RGS6: variants seen among roughly 807,000 people sequenced by gnomAD.
RGS6 encodes regulator of G protein signaling 6.
A neutral mutation model predicts 78.5 loss-of-function variants in RGS6; 30 were observed. That is an observed-to-expected ratio of 0.38 (90% CI 0.29 to 0.52). The LOEUF is 0.52. Ranked by LOEUF, RGS6 falls within the 20% of genes least tolerant of loss-of-function variation. The pLI is 0.85. For missense variants in RGS6, 495 were observed against 609.7 expected (o/e 0.81, Z 1.98); for synonymous variants, 206 against 206.0 (o/e 1.00, Z 0.00).
chr14:72,562,286 A>ATGGTCAGTTGGGTTGGT lies in RGS6; in HGVS notation c.1423-125_1423-109dup, dbSNP rs2097686347. 8.6e-6 allele frequency: 7 copies of ATGGTCAGTTGGGTTGGT among 810,588 alleles called. No homozygotes were observed. In the South Asian group the frequency reaches 1.1e-4, roughly 13 times the overall value. The allele number at this position is 810,588 out of a possible 1,614,324, so 50.2% of individuals were successfully genotyped here. ...ATACACCTAGAGATCAAATATCAAG[A>ATGGTCAGTTGGGTTGGT]TGGTCAGTTGGGTTGGTTGGTCGTT... is the stretch of plus-strand genomic sequence containing the variant. On this transcript the variant is annotated intron_variant, in intron 17 of 17. Coordinates refer to ENST00000553525, the MANE Select transcript of RGS6 (RefSeq NM_001204424.2).
chr14:72,560,142 C>T (rs921407115), intron 17 of RGS6, among the ~76,000 whole-genome samples: 2 of 151,986 alleles, frequency 1.3e-5, no homozygotes, highest in African/African-American at 4.8e-5. Flanking sequence ...AAATGAGAGC[C>T]CCAAACGCTG....
chr14:72,229,157 AAAAT>A (rs1221810792), intron 2 of RGS6, among the ~76,000 whole-genome samples: 5 of 152,226 alleles, frequency 3.3e-5, no homozygotes, highest in Non-Finnish European at 7.3e-5. Flanking sequence ...AATCTATAGT[AAAAT>A]AAACCCTTCT....
At chr14:71,920,141 A>T in the RGS6 span, among the ~76,000 whole-genome samples, 1 of 152,176 alleles carries the variant, frequency 6.6e-6, no homozygotes, top group Non-Finnish European at 1.5e-5. Context: ...ATTTAGGCAA[A>T]TTCTAACACC....
At chr14:72,439,890 G>T (rs2153200099) in intron 3 of RGS6, among the ~76,000 whole-genome samples, 1 of 152,330 alleles carries the variant, frequency 6.6e-6, no homozygotes, top group African/African-American at 2.4e-5. Context: ...ACATCCTGTG[G>T]GTTCCTGTAA....
chr14:72,312,935 G>C (rs547820387), intron 2 of RGS6, among the ~76,000 whole-genome samples: 116 of 152,256 alleles, frequency 7.6e-4, no homozygotes, highest in African/African-American at 2.7e-3. Context: ...CTTTTTTGGA[G>C]CCCCTCATTC....
At chr14:72,253,458 G>T (rs966787085) in intron 2 of RGS6, among the ~76,000 whole-genome samples, 2 of 152,172 alleles carry the variant, frequency 1.3e-5, no homozygotes, top group Non-Finnish European at 2.9e-5. Context: ...AATATTTTAG[G>T]CTTGTGGGCC....
At chr14:72,478,229 T>G in intron 11 of RGS6, 39 bp from the exon 12 acceptor site, 1 of 1,511,302 alleles carries the variant, frequency 6.6e-7, no homozygotes, top group Non-Finnish European at 9.2e-7. Flanking sequence ...AAAAATAATT[T>G]TAGTTTGGTC....
At chr14:72,396,955 G>A (rs925081793) in intron 3 of RGS6, among the ~76,000 whole-genome samples, 17 of 152,206 alleles carry the variant, frequency 1.1e-4, no homozygotes, top group Non-Finnish European at 2.2e-4. Context: ...TGGCCTTGTA[G>A]TATAGTTAGA....
rs537389649 is a variant in RGS6, at chr14:72,052,961, C to A, written c.84+88086C>A. ...TCTTTCTTTCTTTCTTTCTTTCTTTCTTTCTTTCTTTCTTTCTTTCTTTCT... is the reference window on the plus strand; with the variant it reads ...TCTTTCTTTCTTTCTTTCTTTCTTTATTTCTTTCTTTCTTTCTTTCTTTCT... On this transcript the variant is annotated intron_variant, in intron 2 of 17. Coordinates refer to ENST00000553525, the MANE Select transcript of RGS6 (RefSeq NM_001204424.2). 6.8e-4 allele frequency among the ~76,000 whole-genome samples: 29 copies of A among 42,654 alleles called. 2 individuals carry two copies. The highest frequency in any genetic ancestry group is 5.0e-3 in the African/African-American group (28 of 5,562). 28.0% of individuals were successfully genotyped at this position (42,654 alleles called of 152,430 possible). A position where few individuals can be genotyped will look rare whatever the true frequency, so the allele number is the denominator to read the frequency against.
the RGS6 span, among the ~76,000 whole-genome samples, chr14:72,585,054 C>A: frequency 1.4e-5 from 2 of 143,972 alleles, no homozygotes; most frequent in Non-Finnish European, 2.9e-5. Flanking sequence ...GTCTTCATTT[C>A]CAAAAAAAAA....
chr14:71,951,408 G>C (rs908387134), intron 1 of RGS6, among the ~76,000 whole-genome samples: 3 of 152,218 alleles, frequency 2.0e-5, no homozygotes, highest in African/African-American at 7.2e-5. Flanking sequence ...TGTTGGGGAT[G>C]GGGGGATGGG....
At chr14:72,402,195 A>T (rs2092477889) in intron 3 of RGS6, among the ~76,000 whole-genome samples, 1 of 152,164 alleles carries the variant, frequency 6.6e-6, no homozygotes, top group African/African-American at 2.4e-5. Flanking sequence ...TCCGTCCAAG[A>T]TCTCTCTCAG....
chr14:72,612,078 A>G, the RGS6 span, among the ~76,000 whole-genome samples: 1 of 152,204 alleles, frequency 6.6e-6, no homozygotes, highest in African/African-American at 2.4e-5. Flanking sequence ...AGCCAGTAAC[A>G]GCCTGCCCTG....
chr14:71,906,399 AG>A, the RGS6 span, among the ~76,000 whole-genome samples: 1 of 152,192 alleles, frequency 6.6e-6, no homozygotes, highest in Non-Finnish European at 1.5e-5. Flanking sequence ...ACTTTAGGTC[AG>A]GGGAACGGGG....
the RGS6 span, among the ~76,000 whole-genome samples, chr14:72,617,247 C>T: frequency 1.3e-5 from 2 of 152,208 alleles, no homozygotes; most frequent in Admixed American, 6.5e-5. Flanking sequence ...GCTTTTTAAA[C>T]TTTTAAGCTA....
intron 3 of RGS6, among the ~76,000 whole-genome samples, chr14:72,413,846 A>G (rs1347743230): frequency 1.3e-5 from 2 of 152,224 alleles, no homozygotes; most frequent in South Asian, 2.1e-4. Context: ...TTGGCTGGAT[A>G]TGAAATTCTG....
rs562465091 is a variant in RGS6 at position 72,369,199 on chromosome 14, A to G, written c.184+17005A>G. Among the ~76,000 whole-genome samples the G allele has an allele frequency of 1.4e-3, 207 of 152,308 alleles. 1 individual carries two copies. Among genetic ancestry groups the G allele is most frequent in the African/African-American group, 4.5e-3 (187 of 41,568 alleles). On this transcript the variant is annotated intron_variant, in intron 3 of 17. Transcript: ENST00000553525. ...ATTATCTGGGTGTGCCCTAAATACA[A>G]TGACATGTATCCTTACAAATGAGAG...
chr14:72,453,225 A>G (rs557943226), intron 3 of RGS6, among the ~76,000 whole-genome samples: 1 of 152,114 alleles, frequency 6.6e-6, no homozygotes, highest in South Asian at 2.1e-4. Flanking sequence ...GTGAGTTTCC[A>G]GGTACTAGGG....
At chr14:72,417,155 G>C (rs548040357) in intron 3 of RGS6, among the ~76,000 whole-genome samples, 1 of 152,292 alleles carries the variant, frequency 6.6e-6, no homozygotes, top group South Asian at 2.1e-4. Context: ...CAGCGTTCTG[G>C]TTTCTTCAGC....
Sources: allele counts gnomAD v4.1 joint callset (sites outside exome capture counted in the v4.1 genomes callset), GRCh38; gene constraint gnomAD v4.1.1; transcripts MANE v1.5; gene names NCBI Gene and HGNC (gene_info 2026-07-23, HGNC 2026-07-21).